Variants in CLASP1 observed in about 807,000 individuals in gnomAD.
CLASP1 encodes the protein CLIP-associating protein 1.
A neutral mutation model predicts 192.3 loss-of-function variants in CLASP1; 38 were observed. The observed-to-expected ratio is 0.20, with a 90% CI of 0.15 to 0.26. The LOEUF is 0.26. Ranked by LOEUF, CLASP1 falls within the 10% of genes least tolerant of loss-of-function variation. The pLI, the probability that CLASP1 is intolerant of heterozygous loss-of-function variation, is 1.00. For missense variants in CLASP1, 1,433 were observed against 1,932.5 expected (o/e 0.74, Z 4.85); for synonymous variants, 691 against 712.8 (o/e 0.97, Z 0.49).
chr2:121,562,157 G>C (rs1477412588), intron 2 of CLASP1, among the ~76,000 whole-genome samples: 2 of 152,198 alleles, frequency 1.3e-5, no homozygotes, highest in Non-Finnish European at 2.9e-5. Context: ...GTCCTGGACA[G>C]CAAGTCTTCT....
intron 2 of CLASP1, among the ~76,000 whole-genome samples, chr2:121,604,054 A>T (rs559928221): frequency 6.6e-6 from 1 of 152,230 alleles, no homozygotes; most frequent in Non-Finnish European, 1.5e-5. Context: ...ATTAGCTAGA[A>T]GGAGGATATT....
intron 12 of CLASP1, chr2:121,459,599 T>C (rs548785016): frequency 6.2e-6 from 1 of 161,150 alleles, no homozygotes; most frequent in Admixed American, 6.4e-5. Flanking sequence ...CTGCAGTAAA[T>C]GCCTTTAACT....
At chr2:121,396,290 A>C (rs544583950) in intron 30 of CLASP1, among the ~76,000 whole-genome samples, 1 of 152,362 alleles carries the variant, frequency 6.6e-6, no homozygotes, top group South Asian at 2.1e-4. Context: ...GTAGCACGCC[A>C]GTGGAGATAA....
rs13429950 is a variant in CLASP1, at chr2:121,531,800, G to A, written c.196-1475C>T. 6.7e-3 allele frequency among the ~76,000 whole-genome samples: 1,024 copies of A among 151,948 alleles called. 9 individuals are homozygous for A. The highest frequency in any genetic ancestry group is 0.023 in the African/African-American group (937 of 41,394). ...GGAGAATCGCTTGAACCTGGGAGGC[G>A]GAGGTTGCAATGAGCCAACATCGGG... On this transcript the variant is annotated intron_variant, in intron 2 of 39. Transcript: ENST00000263710.
At chr2:121,510,719 G>A (rs1268350480) in intron 7 of CLASP1, among the ~76,000 whole-genome samples, 2 of 151,888 alleles carry the variant, frequency 1.3e-5, no homozygotes, top group Non-Finnish European at 2.9e-5. Context: ...GATTACTTGA[G>A]CCCAGGAAGT....
intron 2 of CLASP1, among the ~76,000 whole-genome samples, chr2:121,582,276 GGAGAGAGA>G (rs113201966): frequency 2.1e-5 from 3 of 146,000 alleles, no homozygotes; most frequent in East Asian, 4.0e-4. Context: ...GACAGGAAAG[GGAGAGAGA>G]GAGAGAGAGA....
chr2:121,617,922 T>G (rs548663172), intron 1 of CLASP1, among the ~76,000 whole-genome samples: 2 of 152,324 alleles, frequency 1.3e-5, no homozygotes, highest in African/African-American at 4.8e-5. Flanking sequence ...GGTTCCAAAC[T>G]CTTTACTACT....
At chr2:121,615,426 T>C (rs1212620255) in intron 1 of CLASP1, among the ~76,000 whole-genome samples, 2 of 151,926 alleles carry the variant, frequency 1.3e-5, no homozygotes, top group African/African-American at 2.4e-5. Flanking sequence ...ATGGCAGACA[T>C]AGTGAGATAC....
chr2:121,530,124 G>C, intron 3 of CLASP1, 123 bp downstream of exon 3: 1 of 765,254 alleles, frequency 1.3e-6, no homozygotes, highest in Non-Finnish European at 2.1e-6. Flanking sequence ...AGGAGCGGAA[G>C]GGAGGGAGAG....
intron 35 of CLASP1, 122 bp downstream of exon 36, chr2:121,367,466 G>A (rs2067648259): frequency 7.7e-7 from 1 of 1,302,928 alleles, no homozygotes; most frequent in Non-Finnish European, 1.1e-6. Flanking sequence ...AAATGACTAA[G>A]CAGAAAGAAC....
At chr2:121,526,562 TC>T (rs1341603851) in intron 5 of CLASP1, among the ~76,000 whole-genome samples, 13 of 152,290 alleles carry the variant, frequency 8.5e-5, no homozygotes, top group Non-Finnish European at 1.5e-4. Context: ...CTAGAAGTTT[TC>T]TTTTTTTTTT....
intron 33 of CLASP1, 103 bp downstream of exon 34, chr2:121,382,105 C>A (rs1428194298): frequency 5.9e-6 from 5 of 846,850 alleles, no homozygotes; most frequent in Non-Finnish European, 9.9e-6. Context: ...AAGGAAGGGA[C>A]CACACTGGAG....
At chr2:121,371,197 T>C (rs1226453917) in intron 34 of CLASP1, among the ~76,000 whole-genome samples, 1 of 150,284 alleles carries the variant, frequency 6.7e-6, no homozygotes, top group South Asian at 2.1e-4. Context: ...TGGGCACATA[T>C]TAAGTGTGTG....
At chr2:121,397,393 T>C (rs2075460443) in intron 29 of CLASP1, 110 bp from the exon 31 acceptor site, 1 of 883,740 alleles carries the variant, frequency 1.1e-6, no homozygotes, top group East Asian at 2.6e-5. Flanking sequence ...ATCTCCTTCC[T>C]TTCTCCTGTA....
At chr2:121,370,141 T>C (rs1368861465) in intron 34 of CLASP1, among the ~76,000 whole-genome samples, 1 of 152,248 alleles carries the variant, frequency 6.6e-6, no homozygotes, top group Non-Finnish European at 1.5e-5. Flanking sequence ...TCCTACTGCA[T>C]CTGACATTCA....
intron 37 of CLASP1, among the ~76,000 whole-genome samples, chr2:121,354,667 TC>T: frequency 7.2e-6 from 1 of 138,898 alleles, no homozygotes; most frequent in African/African-American, 3.4e-5. Flanking sequence ...GCCTCTGTTT[TC>T]AAAACCTGGA....
intron 9 of CLASP1, among the ~76,000 whole-genome samples, chr2:121,465,915 T>A (rs1559313434): frequency 6.6e-6 from 1 of 152,124 alleles, no homozygotes; most frequent in Non-Finnish European, 1.5e-5. Flanking sequence ...AAACAAGCAA[T>A]GGGGAAAGGA....
intron 20 of CLASP1, among the ~76,000 whole-genome samples, chr2:121,428,886 G>A (rs569223209): frequency 6.6e-6 from 1 of 152,290 alleles, no homozygotes; most frequent in South Asian, 2.1e-4. Context: ...ATGAGGGTGG[G>A]AACTGTTATC....
At chr2:121,643,445 C>T (rs2106351654) in intron 1 of CLASP1, among the ~76,000 whole-genome samples, 1 of 152,272 alleles carries the variant, frequency 6.6e-6, no homozygotes, top group Middle Eastern at 3.4e-3. Context: ...CAATCTAGAT[C>T]AATCAGGGTG....
Sources: gnomAD v4.1 joint callset for allele counts (sites outside exome capture counted in the v4.1 genomes callset) on GRCh38, gnomAD v4.1.1 for gene constraint, MANE v1.5 for transcripts, NCBI Gene and HGNC (gene_info 2026-07-23, HGNC 2026-07-21) for gene names.